ACTR3C: variants seen among roughly 807,000 people sequenced by gnomAD.
ACTR3C encodes actin-related protein 3C.
In ACTR3C, 18 loss-of-function variants were observed where a neutral mutation model predicts 26.3. The observed-to-expected ratio is 0.68, with a 90% CI of 0.47 to 1.01. The LOEUF is 1.01. ACTR3C is among the 50% of genes least tolerant of loss of function. ACTR3C has a pLI of 0.00. For missense variants in ACTR3C, 184 were observed against 250.7 expected (o/e 0.73, Z 1.80); for synonymous variants, 55 against 94.5 (o/e 0.58, Z 2.42).
chr7:149,976,649 T>G, the ACTR3C span, among the ~76,000 whole-genome samples: 1 of 149,304 alleles, frequency 6.7e-6, no homozygotes, highest in African/African-American at 2.5e-5. Flanking sequence ...CACAGTCAAG[T>G]ATAGTGAATG....
the ACTR3C span, among the ~76,000 whole-genome samples, chr7:150,208,302 G>C: frequency 6.6e-6 from 1 of 152,180 alleles, no homozygotes; most frequent in East Asian, 1.9e-4. Context: ...CACGGAAAGA[G>C]AGCTTTGGAG....
chr7:150,080,810 T>C, the ACTR3C span, among the ~76,000 whole-genome samples: 2 of 152,196 alleles, frequency 1.3e-5, no homozygotes, highest in African/African-American at 4.8e-5. Context: ...CTGCACTTAA[T>C]AGAACATTAT....
the ACTR3C span, among the ~76,000 whole-genome samples, chr7:150,184,372 C>T: frequency 9.3e-5 from 14 of 150,950 alleles, no homozygotes; most frequent in South Asian, 1.9e-3. Flanking sequence ...TTAAAGAACC[C>T]AGGCTGCAGC....
At chr7:150,084,937 C>A in the ACTR3C span, among the ~76,000 whole-genome samples, 1 of 151,998 alleles carries the variant, frequency 6.6e-6, no homozygotes, top group Non-Finnish European at 1.5e-5. Context: ...GGTGGGTGTA[C>A]TGCATGGATT....
At chr7:149,895,000 C>T in the ACTR3C span, among the ~76,000 whole-genome samples, 1 of 151,450 alleles carries the variant, frequency 6.6e-6, no homozygotes, top group African/African-American at 2.4e-5. Context: ...TGTCCATTAA[C>T]GGATGAACAG....
At chr7:150,225,376 A>C in the ACTR3C span, among the ~76,000 whole-genome samples, 1 of 152,102 alleles carries the variant, frequency 6.6e-6, no homozygotes, top group Admixed American at 6.5e-5. Context: ...AATGTCTACA[A>C]CTCTAATCCA....
the ACTR3C span, among the ~76,000 whole-genome samples, chr7:150,194,626 A>G: frequency 1.3e-5 from 2 of 151,742 alleles, no homozygotes; most frequent in East Asian, 3.9e-4. Flanking sequence ...AAGTTGTTCC[A>G]TTTGTCTTTG....
chr7:150,233,542 A>G, the ACTR3C span, among the ~76,000 whole-genome samples: 1 of 151,370 alleles, frequency 6.6e-6, no homozygotes, highest in Non-Finnish European at 1.5e-5. Context: ...TGTATATTAT[A>G]CTTTCGAAAT....
At position 150,286,539 on chromosome 7, in the gene ACTR3C, T is replaced by C; in HGVS notation, c.299A>G (p.Glu100Gly). The change falls in exon 5 of 8, where the codon GAG becomes GGG. Residue 100 changes from glutamate to glycine, a missense_variant and splice_region_variant. Transcript: ENST00000683684. ...ATCGGGGCAAATGTAACAGTATTTC[T>C]CCTGCATACACACACAAAGATGTTG... Reference protein sequence around the residue: ...QSLETAKAIKEKYCYICPDIV... With the variant: ...QSLETAKAIKGKYCYICPDIV... 1 of 1,609,980 alleles carries C rather than the reference T, an allele frequency of 6.2e-7. No homozygotes were observed. The highest frequency in any genetic ancestry group is 1.7e-4 in the Middle Eastern group (1 of 6,012).
chr7:150,017,647 T>C, the ACTR3C span, among the ~76,000 whole-genome samples: 741 of 149,632 alleles, frequency 5.0e-3, 61 homozygotes, highest in African/African-American at 0.018. Context: ...CCCAATTTCA[T>C]TTTCCAGCCT....
chr7:149,946,303 C>G, the ACTR3C span, among the ~76,000 whole-genome samples: 3 of 152,230 alleles, frequency 2.0e-5, no homozygotes, highest in African/African-American at 7.2e-5. Context: ...CCATAAGATG[C>G]CCATTCTTTG....
the ACTR3C span, among the ~76,000 whole-genome samples, chr7:150,069,092 C>T: frequency 6.6e-6 from 1 of 152,166 alleles, no homozygotes; most frequent in Non-Finnish European, 1.5e-5. Flanking sequence ...CCTACTATGA[C>T]TTTGAAATAA....
chr7:149,907,478 T>TTCTCTTCTCTTCTCTCTC, the ACTR3C span, among the ~76,000 whole-genome samples: 28 of 97,680 alleles, frequency 2.9e-4, no homozygotes, highest in South Asian at 2.8e-3. Context: ...CTCTCTTCTC[T>TTCTCTTCTCTTCTCTCTC]TCTCTCTCTC....
the ACTR3C span, among the ~76,000 whole-genome samples, chr7:150,217,028 A>G: frequency 1.2e-4 from 18 of 147,884 alleles, no homozygotes; most frequent in South Asian, 3.8e-3. Context: ...TTTATAAAGC[A>G]CATGCCTCCC....
chr7:150,233,615 C>A, the ACTR3C span, among the ~76,000 whole-genome samples: 1 of 152,002 alleles, frequency 6.6e-6, no homozygotes, highest in African/African-American at 2.4e-5. Context: ...TGTTGATGAA[C>A]CTATTGAAGA....
At chr7:149,915,438 T>C in the ACTR3C span, among the ~76,000 whole-genome samples, 1 of 152,120 alleles carries the variant, frequency 6.6e-6, no homozygotes, top group African/African-American at 2.4e-5. Context: ...AAAAATAATA[T>C]TGCTCTTTAA....
the ACTR3C span, among the ~76,000 whole-genome samples, chr7:150,111,615 C>A: frequency 3.8e-5 from 4 of 104,802 alleles, no homozygotes; most frequent in Admixed American, 4.4e-4. Flanking sequence ...CACACCCACC[C>A]ACCCACTCAC....
the ACTR3C span, among the ~76,000 whole-genome samples, chr7:150,178,888 A>C: frequency 6.6e-6 from 1 of 150,672 alleles, no homozygotes; most frequent in South Asian, 2.1e-4. Flanking sequence ...AAACTTTTGC[A>C]CGTATGAGTA....
the ACTR3C span, among the ~76,000 whole-genome samples, chr7:149,996,172 G>A: frequency 7.9e-5 from 12 of 152,398 alleles, no homozygotes; most frequent in East Asian, 1.5e-3. Flanking sequence ...GGAAGCCCTC[G>A]GAAGGCCAGA....
Sources: gnomAD v4.1 joint callset for allele counts (sites outside exome capture counted in the v4.1 genomes callset) on GRCh38, gnomAD v4.1.1 for gene constraint, MANE v1.5 for transcripts, NCBI Gene and HGNC (gene_info 2026-07-23, HGNC 2026-07-21) for gene names.